UNC5D: variants seen among roughly 807,000 people sequenced by gnomAD.
UNC5D encodes unc-5 netrin receptor D.
A neutral mutation model predicts 105.4 loss-of-function variants in UNC5D; 39 were observed. The observed-to-expected ratio is 0.37, with a 90% confidence interval of 0.29 to 0.48. The LOEUF is 0.48. Among genes scored for constraint, UNC5D ranks in the 20% least tolerant of loss-of-function variants. The pLI is 0.98. For missense variants in UNC5D, 991 were observed against 1,202.4 expected (o/e 0.82, Z 2.60); for synonymous variants, 452 against 450.4 (o/e 1.00, Z -0.04).
At chr8:35,537,781 A>G (rs1814950979) in intron 1 of UNC5D, among the ~76,000 whole-genome samples, 1 of 151,406 alleles carries the variant, frequency 6.6e-6, no homozygotes, top group Non-Finnish European at 1.5e-5. Context: ...TAAAAATTTA[A>G]AAAGATATCT....
chr8:35,709,771 T>C (rs1482096951), intron 8 of UNC5D, among the ~76,000 whole-genome samples: 2 of 152,100 alleles, frequency 1.3e-5, no homozygotes, highest in East Asian at 3.9e-4. Flanking sequence ...ACATTCTGGG[T>C]AGCTTGGGGA....
chr8:35,373,764 C>T (rs1281724607), intron 1 of UNC5D, among the ~76,000 whole-genome samples: 1 of 152,054 alleles, frequency 6.6e-6, no homozygotes, highest in Non-Finnish European at 1.5e-5. Context: ...AAGTTTAAAC[C>T]CCAGAGTTAG....
intron 2 of UNC5D, among the ~76,000 whole-genome samples, chr8:35,562,069 C>G (rs571702121): frequency 2.6e-5 from 4 of 152,276 alleles, no homozygotes; most frequent in African/African-American, 7.2e-5. Context: ...AGTCTACTCT[C>G]TATTTTCATG....
chr8:35,363,966 T>A (rs1801977858), intron 1 of UNC5D, among the ~76,000 whole-genome samples: 1 of 152,038 alleles, frequency 6.6e-6, no homozygotes, highest in African/African-American at 2.4e-5. Flanking sequence ...GAGGATCGCT[T>A]GATGTCAGGA....
intron 1 of UNC5D, among the ~76,000 whole-genome samples, chr8:35,414,245 A>G (rs528151102): frequency 1.3e-5 from 2 of 152,272 alleles, no homozygotes; most frequent in African/African-American, 4.8e-5. Flanking sequence ...AGGCAGGAAC[A>G]ATGTATTTAT....
At chr8:35,573,574 G>A (rs539815844) in intron 3 of UNC5D, among the ~76,000 whole-genome samples, 200 of 152,290 alleles carry the variant, frequency 1.3e-3, no homozygotes, top group African/African-American at 4.7e-3. Context: ...TGGCACTAAG[G>A]TATGTTGATC....
intron 1 of UNC5D, among the ~76,000 whole-genome samples, chr8:35,527,501 C>CA (rs1813959381): frequency 6.6e-6 from 1 of 152,084 alleles, no homozygotes; most frequent in African/African-American, 2.4e-5. Flanking sequence ...TTTGTGCTCT[C>CA]ACATTAGGGA....
At position 35,794,840 on chromosome 8, in the gene UNC5D, G is replaced by T. The variant is rs1803194057; in HGVS notation, c.*4277G>T. 1 of 152,134 alleles carries T rather than the reference G, an allele frequency of 6.6e-6. No homozygotes were observed. The highest frequency in any genetic ancestry group is 1.5e-5 in the Non-Finnish European group (1 of 68,036). The allele number at this position is 152,134 out of a possible 1,614,324, so 9.4% of individuals were successfully genotyped here. A position where few individuals can be genotyped will look rare whatever the true frequency, so the allele number is the denominator to read the frequency against. On this transcript the variant is annotated 3_prime_UTR_variant, in exon 17 of 17. Transcript: ENST00000404895. ...CAGGGTCATTCATGACATTGAAATG[G>T]CAACTTGTACACTGTAATTCTTCGA...
rs201906782 is a variant in UNC5D, at chr8:35,269,619, T to TA, written c.103+33740dup. ...TTAACCATATTGGGTTCAACTTATT[T>TA]AAAAAAAATTTCTTCTGTTTGGCAC... is the stretch of plus-strand genomic sequence containing the variant. On this transcript the variant is annotated intron_variant, in intron 1 of 16. Transcript: ENST00000404895. 6.6e-3 allele frequency among the ~76,000 whole-genome samples: 1,012 copies of TA among 152,258 alleles called. 5 individuals are homozygous for TA. The highest frequency in any genetic ancestry group is 0.016 in the South Asian group (75 of 4,824).
At chr8:35,651,779 T>A (rs1442212672) in intron 4 of UNC5D, among the ~76,000 whole-genome samples, 1 of 152,202 alleles carries the variant, frequency 6.6e-6, no homozygotes, top group Non-Finnish European at 1.5e-5. Context: ...GGGTCTTGCT[T>A]ATTTCATGCA....
intron 2 of UNC5D, among the ~76,000 whole-genome samples, chr8:35,557,998 G>C (rs982463322): frequency 3.9e-5 from 6 of 151,974 alleles, no homozygotes; most frequent in Non-Finnish European, 7.4e-5. Context: ...TGGATGTGGT[G>C]GTGGGCACCT....
At chr8:35,635,642 C>T (rs1261412507) in intron 4 of UNC5D, among the ~76,000 whole-genome samples, 2 of 152,132 alleles carry the variant, frequency 1.3e-5, no homozygotes, top group African/African-American at 4.8e-5. Context: ...GCACATGCTG[C>T]ATGTAGTAAA....
chr8:35,386,343 A>C (rs535576966), intron 1 of UNC5D, among the ~76,000 whole-genome samples: 1 of 152,248 alleles, frequency 6.6e-6, no homozygotes, highest in South Asian at 2.1e-4. Context: ...ACATGTACAC[A>C]CCCCACTCAA....
chr8:35,587,150 G>A (rs1818842172), intron 3 of UNC5D, among the ~76,000 whole-genome samples: 1 of 152,132 alleles, frequency 6.6e-6, no homozygotes, highest in Non-Finnish European at 1.5e-5. Flanking sequence ...CACTTCTGCT[G>A]TCTTTGATTC....
At chr8:35,772,283 A>C (rs550220393) in intron 15 of UNC5D, among the ~76,000 whole-genome samples, 3 of 152,196 alleles carry the variant, frequency 2.0e-5, no homozygotes, top group Non-Finnish European at 4.4e-5. Context: ...TGTTTCCAAA[A>C]ACAGAGCCCT....
intron 1 of UNC5D, among the ~76,000 whole-genome samples, chr8:35,528,112 T>G (rs1814028507): frequency 6.7e-6 from 1 of 149,162 alleles, no homozygotes; most frequent in Non-Finnish European, 1.5e-5. Context: ...TAGTTACATA[T>G]GTATACATGT....
At chr8:35,678,793 T>C (rs1053790253) in intron 4 of UNC5D, among the ~76,000 whole-genome samples, 3 of 152,304 alleles carry the variant, frequency 2.0e-5, no homozygotes, top group Admixed American at 2.0e-4. Flanking sequence ...CTTGCATCCT[T>C]TCTTTTTTCC....
rs142265141 is a variant in UNC5D, at chr8:35,522,287, C to T, written c.104-27005C>T. Among the ~76,000 whole-genome samples, 545 of 152,246 alleles carry T rather than the reference C, an allele frequency of 3.6e-3. 6 individuals carry two copies. Among genetic ancestry groups the T allele is most frequent in the African/African-American group, 0.013 (526 of 41,536 alleles). On this transcript the variant is annotated intron_variant, in intron 1 of 16. Coordinates refer to ENST00000404895, the MANE Select transcript of UNC5D (RefSeq NM_080872.4). Reference sequence around the variant, plus strand: ...AATCACTGTTCTAATCAGTTGTGCACCCACTTAGCAGTAATCTGATCTAAA... The same window carrying T: ...AATCACTGTTCTAATCAGTTGTGCATCCACTTAGCAGTAATCTGATCTAAA...
intron 1 of UNC5D, among the ~76,000 whole-genome samples, chr8:35,341,317 T>C (rs1312510940): frequency 6.6e-6 from 1 of 152,126 alleles, no homozygotes; most frequent in African/African-American, 2.4e-5. Context: ...TAAACAGAAA[T>C]TCTTCTCAAG....
Sources: gnomAD v4.1 joint callset for allele counts (sites outside exome capture counted in the v4.1 genomes callset) on GRCh38, gnomAD v4.1.1 for gene constraint, MANE v1.5 for transcripts, NCBI Gene and HGNC (gene_info 2026-07-23, HGNC 2026-07-21) for gene names.